Variants in OR1J2 observed in about 807,000 individuals in gnomAD.
OR1J2 encodes the protein olfactory receptor 1J2.
For missense variants in OR1J2, 304 were observed against 246.1 expected (o/e 1.24, Z -1.57); for synonymous variants, 142 against 99.7 (o/e 1.42, Z -2.52).
chr9:122,540,097 T>C, the OR1J2 span, among the ~76,000 whole-genome samples: 1 of 152,084 alleles, frequency 6.6e-6, no homozygotes, highest in Non-Finnish European at 1.5e-5. Context: ...TTTCTTTTGC[T>C]GTGCAGAAAC....
At chr9:122,482,114 C>T in the OR1J2 span, among the ~76,000 whole-genome samples, 1 of 152,102 alleles carries the variant, frequency 6.6e-6, no homozygotes, top group Non-Finnish European at 1.5e-5. Flanking sequence ...AACTGTGTGT[C>T]TGACAAGGGG....
chr9:122,510,102 C>G (rs1362439896), upstream of OR1J2, among the ~76,000 whole-genome samples: 1 of 152,070 alleles, frequency 6.6e-6, no homozygotes, highest in Non-Finnish European at 1.5e-5. Context: ...ACACGTTTAC[C>G]TGTGTAACAA....
chr9:122,578,823 A>T, the OR1J2 span, among the ~76,000 whole-genome samples: 1 of 152,130 alleles, frequency 6.6e-6, no homozygotes, highest in African/African-American at 2.4e-5. Flanking sequence ...GGAGAAGGTG[A>T]GAAATAAAAG....
chr9:122,477,048 T>C, the OR1J2 span: 1 of 1,614,098 alleles, frequency 6.2e-7, no homozygotes, highest in East Asian at 2.2e-5. Context: ...TGTCTTTATT[T>C]CTCAGACTGT....
the OR1J2 span, among the ~76,000 whole-genome samples, chr9:122,495,559 C>T: frequency 0.37 from 55,967 of 151,480 alleles, 10,883 homozygotes; most frequent in African/African-American, 0.45. Context: ...TGTATGCCAT[C>T]TATTTCACTG....
At chr9:122,534,458 T>C in the OR1J2 span, among the ~76,000 whole-genome samples, 1 of 152,118 alleles carries the variant, frequency 6.6e-6, no homozygotes, top group South Asian at 2.1e-4. Flanking sequence ...CTATCTGATT[T>C]GGGATAAAGA....
the OR1J2 span, among the ~76,000 whole-genome samples, chr9:122,449,317 T>G: frequency 6.6e-6 from 1 of 152,312 alleles, no homozygotes; most frequent in African/African-American, 2.4e-5. Flanking sequence ...GGGGCTTGTT[T>G]GGCTTTTACA....
At chr9:122,535,096 C>A in the OR1J2 span, among the ~76,000 whole-genome samples, 1 of 150,812 alleles carries the variant, frequency 6.6e-6, no homozygotes, top group Non-Finnish European at 1.5e-5. Flanking sequence ...AGGAGGCAAG[C>A]CTAGAGAAAA....
At chr9:122,549,547 GA>G in the OR1J2 span, among the ~76,000 whole-genome samples, 8 of 152,074 alleles carry the variant, frequency 5.3e-5, no homozygotes, top group African/African-American at 1.7e-4. Context: ...TATATGGTGA[GA>G]AATATGGGTC....
At chr9:122,565,610 G>C in the OR1J2 span, among the ~76,000 whole-genome samples, 1 of 152,214 alleles carries the variant, frequency 6.6e-6, no homozygotes, top group African/African-American at 2.4e-5. Flanking sequence ...CAATTACTTG[G>C]TGGTATGTTG....
rs752307430 is a variant in OR1J2, at chr9:122,511,222, TG to T, written c.422del (p.Cys141LeufsTer4). ...HYTVIMREEL[C>X]VFLVAVSWIL... ...CACTGTCATCATGAGGGAAGAGCTC[TG>T]TGTCTTCTTAGTGGCTGTATCTTGG... On this transcript the variant is annotated frameshift_variant, in exon 1 of 1. Transcript: ENST00000335302. LOFTEE classifies it low-confidence loss of function (END_TRUNC). The T allele has an allele frequency of 5.6e-5, 42 of 751,770 alleles. 1 individual carries two copies. In the South Asian group the frequency reaches 6.0e-4, roughly 11 times the overall value. The allele number at this position is 751,770 out of a possible 1,614,324, so 46.6% of individuals were successfully genotyped here.
the OR1J2 span, among the ~76,000 whole-genome samples, chr9:122,566,757 C>T: frequency 0.33 from 46,725 of 141,590 alleles, 8,034 homozygotes; most frequent in East Asian, 0.83. Flanking sequence ...AATAATATTT[C>T]TATAGGCTAG....
the OR1J2 span, among the ~76,000 whole-genome samples, chr9:122,491,164 CCT>C: frequency 2.6e-5 from 4 of 152,130 alleles, no homozygotes; most frequent in Non-Finnish European, 5.9e-5. Flanking sequence ...GAGTTGAAAA[CCT>C]CTCTAAATTT....
chr9:122,504,570 T>C, the OR1J2 span, among the ~76,000 whole-genome samples: 1 of 152,190 alleles, frequency 6.6e-6, no homozygotes, highest in African/African-American at 2.4e-5. Flanking sequence ...GTGTGAGATA[T>C]AATAACTTGT....
the OR1J2 span, among the ~76,000 whole-genome samples, chr9:122,563,644 T>C: frequency 6.6e-6 from 1 of 152,238 alleles, no homozygotes; most frequent in Non-Finnish European, 1.5e-5. Flanking sequence ...ATTTTTGCTT[T>C]TGTTGTCTAT....
the OR1J2 span, chr9:122,527,251 T>C: frequency 6.2e-7 from 1 of 1,612,604 alleles, no homozygotes; most frequent in Admixed American, 1.7e-5. Context: ...GGCGCTGATA[T>C]TCCTCGGAGG....
chr9:122,551,707 A>G, the OR1J2 span, among the ~76,000 whole-genome samples: 3 of 152,144 alleles, frequency 2.0e-5, no homozygotes, highest in Non-Finnish European at 4.4e-5. Context: ...CCTAGGATCC[A>G]GCCAGAGTTG....
At chr9:122,578,542 A>C in the OR1J2 span, 2 of 152,146 alleles carry the variant, frequency 1.3e-5, no homozygotes. Context: ...AAAAATATGG[A>C]ACCAGCCCAA....
chr9:122,525,954 T>C, the OR1J2 span, among the ~76,000 whole-genome samples: 1 of 152,206 alleles, frequency 6.6e-6, no homozygotes, highest in Non-Finnish European at 1.5e-5. Flanking sequence ...AGGGACTTTG[T>C]CTTGCTCAGT....
Sources: gnomAD v4.1 joint callset for allele counts (sites outside exome capture counted in the v4.1 genomes callset) on GRCh38, gnomAD v4.1.1 for gene constraint, MANE v1.5 for transcripts, NCBI Gene and HGNC (gene_info 2026-07-23, HGNC 2026-07-21) for gene names.